The following RARS2 variants were observed in gnomAD, a reference collection of about 807,000 sequenced individuals.
RARS2 encodes the protein arginyl-tRNA synthetase 2, mitochondrial, also known as probable arginine--tRNA ligase, mitochondrial.
Under a neutral mutation model 88.5 loss-of-function variants are expected in RARS2, and 67 were observed. That is an observed-to-expected ratio of 0.76 (90% CI 0.62 to 0.93). RARS2 has a LOEUF of 0.93. Ranked by LOEUF, RARS2 falls within the 40% of genes least tolerant of loss-of-function variation. The pLI, the probability that RARS2 is intolerant of heterozygous loss-of-function variation, is 0.00. For synonymous variants in RARS2, 239 were observed against 230.3 expected, an observed-to-expected ratio of 1.04 and a Z score of -0.34; for missense variants, 664 against 684.2, an observed-to-expected ratio of 0.97 and a Z score of 0.33.
chr6:87,565,420 G>C (rs1011237757), intron 2 of RARS2, among the ~76,000 whole-genome samples: 7 of 152,044 alleles, frequency 4.6e-5, no homozygotes, highest in Admixed American at 3.9e-4. Flanking sequence ...CAAACACAAA[G>C]CAACTGATTC....
intron 5 of RARS2, among the ~76,000 whole-genome samples, chr6:87,552,209 CTT>C (rs1288266163): frequency 1.3e-5 from 2 of 152,130 alleles, no homozygotes; most frequent in Non-Finnish European, 2.9e-5. Context: ...AGTGGTATCT[CTT>C]GTTTTCTGGG....
chr6:87,531,882 C>T (rs1373413619), intron 8 of RARS2, among the ~76,000 whole-genome samples: 1 of 152,144 alleles, frequency 6.6e-6, no homozygotes, highest in Non-Finnish European at 1.5e-5. Flanking sequence ...CAGGTTGAAA[C>T]ATCAATGATA....
chr6:87,551,783 T>A (rs1192682310), intron 5 of RARS2, among the ~76,000 whole-genome samples: 1 of 152,054 alleles, frequency 6.6e-6, no homozygotes, highest in Non-Finnish European at 1.5e-5. Context: ...AGGTCTCCAA[T>A]CTGTTTTGCG....
chr6:87,579,715 GTTTTTTTTTTTTTTT>G (rs35014020), intron 1 of RARS2, among the ~76,000 whole-genome samples: 35 of 60,470 alleles, frequency 5.8e-4, no homozygotes, highest in East Asian at 2.7e-3. Context: ...CATAGAGCAT[GTTTTTTTTTTTTTTT>G]TTTTTTTTTT....
intron 1 of RARS2, among the ~76,000 whole-genome samples, chr6:87,588,567 G>A (rs1031269469): frequency 3.3e-5 from 5 of 152,112 alleles, no homozygotes; most frequent in African/African-American, 1.2e-4. Context: ...TTGAGACGGG[G>A]TCTACCTATG....
At chr6:87,514,520 T>C (rs747024838) in intron 19 of RARS2, 21 bp from the exon 20 acceptor site, 10 of 1,559,858 alleles carry the variant, frequency 6.4e-6, no homozygotes, top group Non-Finnish European at 8.8e-7. Context: ...AATCAAAGAA[T>C]GATTTAAAAT....
chr6:87,518,668 T>C lies in RARS2; in HGVS notation c.1377A>G (p.Thr459=), dbSNP rs757728606. 28 of 1,613,926 alleles carry C rather than the reference T, an allele frequency of 1.7e-5. No individual in the cohort carries two copies. The highest frequency in any genetic ancestry group is 2.3e-5 in the Non-Finnish European group (27 of 1,179,968). The change falls in exon 16 of 20, where the codon ACA becomes ACG. Residue 459 remains threonine (T), a synonymous_variant. Transcript: ENST00000369536. ...WDRVFQSRGD[T]GVFLQYTHAR... ...CGTGTGTGTACTGTAGGAAGACTCC[T>C]GTGTCCCCGCGACTCTGGAAAACAC...
chr6:87,564,184 G>C lies in RARS2; in HGVS notation c.159C>G (p.Asp53Glu), dbSNP rs774600255. The change falls in exon 3 of 20, where the codon GAC becomes GAG. Residue 53 changes from aspartate (D) to glutamate (E), a missense_variant. Transcript: ENST00000369536. ...GAATATCTGGTCTTGAATGGTCATT[G>C]TCTTTTTCCAATAAAGAATCCACAG... is the stretch of plus-strand genomic sequence containing the variant. ...QLSVDSLLEK[D>E]NDHSRPDIQV... 4 of 1,613,574 alleles carry C rather than the reference G, an allele frequency of 2.5e-6. No homozygotes were observed. Among genetic ancestry groups the C allele is most frequent in the Non-Finnish European group, 3.4e-6 (4 of 1,179,732 alleles).
chr6:87,574,815 A>T (rs1038014288), intron 1 of RARS2, among the ~76,000 whole-genome samples: 1 of 152,220 alleles, frequency 6.6e-6, no homozygotes, highest in Non-Finnish European at 1.5e-5. Flanking sequence ...ATTAGTGACC[A>T]AACTTTTTAC....
chr6:87,536,388 G>C (rs1779177630), intron 8 of RARS2, among the ~76,000 whole-genome samples: 2 of 152,094 alleles, frequency 1.3e-5, no homozygotes, highest in South Asian at 4.1e-4. Context: ...TGTAATCCCA[G>C]CATTTTGTGA....
intron 1 of RARS2, chr6:87,589,581 C>A (rs1276604057): frequency 1.2e-6 from 1 of 809,496 alleles, no homozygotes; most frequent in Admixed American, 6.2e-5. Flanking sequence ...TCATCAATGT[C>A]ACTAAAGTGT....
chr6:87,589,799 T>C (rs1050563534), intron 1 of RARS2, 123 bp downstream of exon 1: 2 of 1,604,272 alleles, frequency 1.2e-6, no homozygotes, highest in African/African-American at 1.3e-5. Flanking sequence ...GAGGAGGTGG[T>C]AGAAACTAAC....
At chr6:87,524,722 A>G in intron 10 of RARS2, 70 bp from the exon 11 acceptor site, 1 of 1,112,230 alleles carries the variant, frequency 9.0e-7, no homozygotes. Context: ...AATATCTAAA[A>G]CATTAGCAAA....
chr6:87,575,196 C>T (rs929211897), intron 1 of RARS2, among the ~76,000 whole-genome samples: 1 of 136,496 alleles, frequency 7.3e-6, no homozygotes, highest in Non-Finnish European at 1.5e-5. Flanking sequence ...TTATCAGAAG[C>T]CACAGAGATG....
intron 6 of RARS2, among the ~76,000 whole-genome samples, chr6:87,547,822 T>C (rs1783043396): frequency 6.6e-6 from 1 of 151,902 alleles, no homozygotes; most frequent in Admixed American, 6.6e-5. Flanking sequence ...GTATTTTTAG[T>C]AAAGATGGGG....
intron 1 of RARS2, among the ~76,000 whole-genome samples, chr6:87,584,017 C>A (rs1222955388): frequency 3.3e-5 from 5 of 152,160 alleles, no homozygotes; most frequent in Admixed American, 3.3e-4. Flanking sequence ...CGTATGTAAA[C>A]AAGACACAAA....
intron 8 of RARS2, among the ~76,000 whole-genome samples, chr6:87,531,590 TAA>T (rs1777542903): frequency 6.6e-6 from 1 of 152,188 alleles, no homozygotes; most frequent in African/African-American, 2.4e-5. Flanking sequence ...CTTAAGATCC[TAA>T]AAACTGTGTT....
chr6:87,534,641 G>C (rs940759415), intron 8 of RARS2, among the ~76,000 whole-genome samples: 29 of 152,170 alleles, frequency 1.9e-4, no homozygotes, highest in African/African-American at 5.3e-4. Flanking sequence ...CAAATAAGCA[G>C]AGAGAGAGTA....
intron 8 of RARS2, among the ~76,000 whole-genome samples, chr6:87,541,186 T>C (rs1780834160): frequency 6.6e-6 from 1 of 152,234 alleles, no homozygotes; most frequent in Admixed American, 6.5e-5. Context: ...CAACATTTTC[T>C]TTCTTTCTGA....
Sources: allele counts gnomAD v4.1 joint callset (sites outside exome capture counted in the v4.1 genomes callset), GRCh38; gene constraint gnomAD v4.1.1; transcripts MANE v1.5; gene names NCBI Gene and HGNC (gene_info 2026-07-23, HGNC 2026-07-21).